The following CLCNKA variants were observed in gnomAD, a reference collection of about 807,000 sequenced individuals.
CLCNKA encodes chloride voltage-gated channel Ka.
CLCNKA carries 66 observed loss-of-function variants against 83.3 expected under a neutral mutation model. The observed-to-expected ratio is 0.79, with a 90% CI of 0.65 to 0.97. CLCNKA has a LOEUF of 0.97. Among genes scored for constraint, CLCNKA ranks in the 50% least tolerant of loss-of-function variants. CLCNKA has a pLI of 0.00. For synonymous variants in CLCNKA, 357 were observed against 370.4 expected (o/e 0.96, Z 0.42); for missense variants, 806 against 888.7 (o/e 0.91, Z 1.18).
chr1:16,028,623 C>A (rs759853758), intron 10 of CLCNKA, 138 bp from the exon 11 acceptor site: 1 of 1,097,608 alleles, frequency 9.1e-7, no homozygotes, highest in Admixed American at 1.7e-5. Context: ...TGCTCCCGCC[C>A]TTCCTCCTCA....
intron 4 of CLCNKA, 44 bp downstream of exon 4, chr1:16,024,935 C>A (rs1557448856): frequency 6.2e-7 from 1 of 1,612,634 alleles, no homozygotes; most frequent in African/African-American, 1.3e-5. Context: ...CCAAAACCTT[C>A]TCAGATCCCA....
chr1:16,026,559 A>G lies in CLCNKA; in HGVS notation c.522A>G (p.Val174=), dbSNP rs759390883. 1.9e-5 allele frequency: 31 copies of G among 1,613,938 alleles called. No individual in the cohort carries two copies. In the South Asian group the frequency reaches 3.0e-4, roughly 15 times the overall value. ...GKVGPFVHLS[V]MIAAYLGRVR... The stretch of plus-strand genomic sequence containing the variant: ...AGGGCCCTTTCGTGCACCTGTCTGT[A>G]ATGATCGCTGCCTACCTGGGCCGTG... The change falls in exon 6 of 20, where the codon GTA becomes GTG. Residue 174 remains valine (V), a synonymous_variant. Transcript: ENST00000331433.
At chr1:16,030,128 C>T (rs1164151668) in intron 14 of CLCNKA, 53 bp downstream of exon 14, 31 of 1,364,950 alleles carry the variant, frequency 2.3e-5, no homozygotes, top group South Asian at 3.6e-5. Context: ...CTGGGCTGGA[C>T]CTGGAGAATT....
intron 3 of CLCNKA, 62 bp from the exon 4 acceptor site, chr1:16,024,701 A>T: frequency 6.2e-7 from 1 of 1,607,762 alleles, no homozygotes; most frequent in Non-Finnish European, 8.5e-7. Context: ...TGGGCACCAC[A>T]GTGTCTGGCC....
At chr1:16,022,501 C>G in intron 1 of CLCNKA, 112 bp from the exon 2 acceptor site, 1 of 729,880 alleles carries the variant, frequency 1.4e-6, no homozygotes, top group South Asian at 1.9e-5. Flanking sequence ...CACACACACA[C>G]ACGCACAATC....
chr1:16,027,295 C>T lies in CLCNKA; in HGVS notation c.656-15C>T. 6.2e-7 allele frequency: 1 copy of T among 1,612,732 alleles called. No homozygotes were observed. Among genetic ancestry groups the T allele is most frequent in the Non-Finnish European group, 8.5e-7 (1 of 1,179,980 alleles). On this transcript the variant is annotated splice_polypyrimidine_tract_variant and intron_variant, in intron 7 of 19. Coordinates refer to ENST00000331433, the MANE Select transcript of CLCNKA (RefSeq NM_004070.4). ...GTGGGGGTGGGGGCCCACCTGACAT[C>T]AGTGTCGCCCCCAGGCGTCCTGTTC...
chr1:16,026,920 C>T, intron 7 of CLCNKA, 145 bp downstream of exon 7: 1 of 1,099,456 alleles, frequency 9.1e-7, no homozygotes, highest in South Asian at 1.4e-5. Context: ...GTATAGCCAC[C>T]CCCCGGGGGC....
chr1:16,023,748 T>G, intron 2 of CLCNKA, 52 bp from the exon 3 acceptor site: 1 of 1,609,534 alleles, frequency 6.2e-7, no homozygotes, highest in South Asian at 1.1e-5. Flanking sequence ...GGGAAGGGGC[T>G]GTCTGTGCCC....
chr1:16,033,043 G>T, intron 18 of CLCNKA, 127 bp from the exon 19 acceptor site: 1 of 992,722 alleles, frequency 1.0e-6, no homozygotes, highest in East Asian at 2.4e-5. Context: ...TTGCAGGCCT[G>T]GGTCTGTTGC....
Position 16,033,651 on chromosome 1 carries a change from C to T in CLCNKA, c.2057C>T (p.Pro686Leu). Residue 686 changes from proline to leucine, a missense_variant, in exon 20 of 20, where the codon CCA becomes CTA. Pro to Leu is a moderately conservative substitution (Grantham distance 98, BLOSUM62 -3). Coordinates refer to ENST00000331433, the MANE Select transcript of CLCNKA (RefSeq NM_004070.4). Reference sequence around the variant, plus strand: ...TCCAACCTGACAAATCCGCCAGCTCCAAAGTGAGCCGGCCCAGCAAGATGA... The same window carrying T: ...TCCAACCTGACAAATCCGCCAGCTCTAAAGTGAGCCGGCCCAGCAAGATGA... Reference protein sequence around the residue: ...AISNLTNPPAPK With the variant: ...AISNLTNPPALK 1.2e-6 allele frequency: 2 copies of T among 1,609,894 alleles called. No individual in the cohort carries two copies. Among genetic ancestry groups the T allele is most frequent in the East Asian group, 2.2e-5 (1 of 44,582 alleles).
Position 16,024,808 on chromosome 1 carries a change from G to T in CLCNKA, c.275G>T (p.Arg92Leu). The change falls in exon 4 of 20, where the codon CGG becomes CTG. Residue 92 changes from arginine to leucine, a missense_variant. Arg to Leu is a moderately radical substitution (Grantham distance 102, BLOSUM62 -2). Transcript: ENST00000331433. ...YREIGDSHLL[R>L]YLSWTVYPVA... ...GAGATTGGGGACAGCCACCTGCTCCGGTATCTTTCCTGGACTGTGTACCCT... is the reference window on the plus strand; with the variant it reads ...GAGATTGGGGACAGCCACCTGCTCCTGTATCTTTCCTGGACTGTGTACCCT... The T allele has an allele frequency of 1.9e-6, 3 of 1,614,148 alleles. No individual in the cohort carries two copies. In the South Asian group the frequency reaches 3.3e-5, roughly 18 times the overall value.
chr1:16,032,145 G>C, intron 16 of CLCNKA, 58 bp from the exon 17 acceptor site: 1 of 1,515,516 alleles, frequency 6.6e-7, no homozygotes, highest in Admixed American at 1.7e-5. Context: ...CGGAAGCTTG[G>C]CCCTCAGGCC....
intron 19 of CLCNKA, 70 bp downstream of exon 19, chr1:16,033,326 G>A: frequency 6.6e-7 from 1 of 1,517,698 alleles, no homozygotes; most frequent in Non-Finnish European, 9.1e-7. Context: ...ATGGGGAGGT[G>A]GGGGGACACC....
chr1:16,030,418 T>G, intron 14 of CLCNKA, 43 bp from the exon 15 acceptor site: 4 of 1,605,880 alleles, frequency 2.5e-6, no homozygotes, highest in Non-Finnish European at 1.7e-6. Flanking sequence ...GGCTGGCCCC[T>G]GCCTCCTGGC....
chr1:16,026,386 G>A, intron 5 of CLCNKA, 139 bp downstream of exon 5: 2 of 1,459,566 alleles, frequency 1.4e-6, no homozygotes, highest in Non-Finnish European at 1.9e-6. Context: ...TAGGGGAAGA[G>A]CCAGGCCAGG....
Position 16,022,636 on chromosome 1 carries a change from G to A in CLCNKA, c.17G>A (p.Gly6Glu), listed in dbSNP as rs773206825. 1 of 1,567,386 alleles carries A rather than the reference G, an allele frequency of 6.4e-7. No homozygotes were observed. Among genetic ancestry groups the A allele is most frequent in the South Asian group, 1.2e-5 (1 of 84,626 alleles). The change falls in exon 2 of 20, where the codon GGG becomes GAG. Residue 6 changes from glycine to glutamate, a missense_variant. Gly to Glu is a moderately conservative substitution (Grantham distance 98). Transcript: ENST00000331433. MEELV[G>E]LREGFSGDPV... ...AGGGGCCTGATGGAGGAGTTGGTGG[G>A]GCTGCGTGAGGGCTTCTCAGGGGAC...
chr1:16,026,568 T>C lies in CLCNKA; in HGVS notation c.531T>C (p.Ala177=). 1 of 1,614,030 alleles carries C rather than the reference T, an allele frequency of 6.2e-7. No individual in the cohort carries two copies. The highest frequency in any genetic ancestry group is 8.5e-7 in the Non-Finnish European group (1 of 1,179,992). Residue 177 remains alanine, a synonymous_variant, in exon 6 of 20, where the codon GCT becomes GCC. Transcript: ENST00000331433. ...GPFVHLSVMI[A]AYLGRVRTTT... is the part of the protein sequence containing the mutation. ...TCGTGCACCTGTCTGTAATGATCGC[T>C]GCCTACCTGGGCCGTGTGCGCACCA... is the stretch of plus-strand genomic sequence containing the variant.
intron 15 of CLCNKA, 101 bp downstream of exon 15, chr1:16,030,775 C>T (rs2022591836): frequency 6.7e-7 from 1 of 1,485,878 alleles, no homozygotes; most frequent in Non-Finnish European, 9.2e-7. Context: ...CGCAGCTGAC[C>T]TCCGACATGG....
In CLCNKA at chr1:16,028,092, G is replaced by T; in HGVS notation, c.941G>T (p.Arg314Leu). ...TTCCTCAGCTTCATCAAGACCAATC[G>T]GTACAGCTCCAAACTGCTGGCTACT... ...RTFLSFIKTN[R>L]YSSKLLATSK... The change falls in exon 10 of 20, where the codon CGG becomes CTG. Residue 314 changes from arginine (R) to leucine (L), a missense_variant. Physicochemically the swap from Arg to Leu is moderately radical, Grantham distance 102. Coordinates refer to ENST00000331433, the MANE Select transcript of CLCNKA (RefSeq NM_004070.4). 1 of 1,571,706 alleles carries T rather than the reference G, an allele frequency of 6.4e-7. No individual in the cohort carries two copies. Among genetic ancestry groups the T allele is most frequent in the Non-Finnish European group, 8.8e-7 (1 of 1,142,474 alleles).
Sources: allele counts gnomAD v4.1 joint callset, GRCh38; gene constraint gnomAD v4.1.1; transcripts MANE v1.5; gene names NCBI Gene and HGNC (gene_info 2026-07-23, HGNC 2026-07-21).